Variants in DOCK3 observed in about 807,000 individuals in gnomAD.
DOCK3 encodes dedicator of cytokinesis protein 3.
Under a neutral mutation model 265.6 loss-of-function variants are expected in DOCK3, and 60 were observed. That is an observed-to-expected ratio of 0.23 (90% CI 0.18 to 0.28). The LOEUF (loss-of-function observed/expected upper bound fraction) is 0.28. Among genes scored for constraint, DOCK3 ranks in the 10% least tolerant of loss-of-function variants. The probability of loss-of-function intolerance (pLI) is 1.00; values close to 1 mark genes in which losing one functional copy is unlikely to be tolerated. For missense variants in DOCK3, 1,981 were observed against 2,594.3 expected, an observed-to-expected ratio of 0.76 and a Z score of 5.14; for synonymous variants, 881 against 938.0, an observed-to-expected ratio of 0.94 and a Z score of 1.11.
chr3:51,140,408 T>TCAA (rs1269031844), intron 9 of DOCK3, among the ~76,000 whole-genome samples: 1 of 152,362 alleles, frequency 6.6e-6, no homozygotes, highest in East Asian at 1.9e-4. Context: ...TCAAGGTTCA[T>TCAA]CAACATTTTA....
At chr3:50,902,176 C>T (rs2049237339) in intron 4 of DOCK3, among the ~76,000 whole-genome samples, 2 of 152,134 alleles carry the variant, frequency 1.3e-5, no homozygotes, top group African/African-American at 4.8e-5. Flanking sequence ...TGTGCTGAAG[C>T]TCTTTAGTTT....
intron 5 of DOCK3, among the ~76,000 whole-genome samples, chr3:51,062,832 T>A (rs1048057264): frequency 1.4e-4 from 22 of 152,352 alleles, no homozygotes; most frequent in African/African-American, 5.1e-4. Context: ...GAAACGTATG[T>A]GTTGGAAACA....
chr3:50,733,708 C>A (rs758784986), intron 1 of DOCK3, among the ~76,000 whole-genome samples: 1 of 152,072 alleles, frequency 6.6e-6, no homozygotes, highest in Non-Finnish European at 1.5e-5. Context: ...AGAATTTAAT[C>A]TATTTGCATT....
chr3:51,001,046 G>A (rs2078467122), intron 5 of DOCK3, among the ~76,000 whole-genome samples: 1 of 152,194 alleles, frequency 6.6e-6, no homozygotes, highest in Non-Finnish European at 1.5e-5. Flanking sequence ...TTATCTACCT[G>A]TTGGGAAACT....
At chr3:51,347,578 C>T (rs2085675676) in intron 38 of DOCK3, among the ~76,000 whole-genome samples, 1 of 152,160 alleles carries the variant, frequency 6.6e-6, no homozygotes, top group South Asian at 2.1e-4. Flanking sequence ...AGCGTGATGC[C>T]TCCAGCTTTG....
intron 9 of DOCK3, among the ~76,000 whole-genome samples, chr3:51,118,315 C>CT (rs2083842191): frequency 6.6e-6 from 1 of 152,164 alleles, no homozygotes; most frequent in Non-Finnish European, 1.5e-5. Flanking sequence ...GCACTGTAGA[C>CT]TGAGATACTG....
At chr3:51,223,655 C>G (rs1383252) in intron 14 of DOCK3, among the ~76,000 whole-genome samples, 138,815 of 152,188 alleles carry the variant, frequency 0.91, 63,450 homozygotes, top group African/African-American at 0.96. Context: ...AATTAAAAGA[C>G]TTTTATAAGA....
Position 50,874,283 on chromosome 3 carries a change from C to G in DOCK3, c.163-15743C>G, listed in dbSNP as rs1252172828. Among the ~76,000 whole-genome samples, 5 of 151,896 alleles carry G rather than the reference C, an allele frequency of 3.3e-5. No individual in the cohort carries two copies. In the East Asian group the frequency reaches 7.7e-4, roughly 23 times the overall value. On this transcript the variant is annotated intron_variant, in intron 3 of 52. Transcript: ENST00000266037. The stretch of plus-strand genomic sequence containing the variant: ...TTGGGAGGCTGAGGTGGGAGGGTCA[C>G]TAGAGCCCAGAAGTTCGAGACCAGC...
At chr3:50,869,936 G>A (rs968327753) in intron 3 of DOCK3, among the ~76,000 whole-genome samples, 1 of 152,076 alleles carries the variant, frequency 6.6e-6, no homozygotes, top group South Asian at 2.1e-4. Flanking sequence ...GTTTCAACAA[G>A]TCTTTTTGTT....
intron 27 of DOCK3, among the ~76,000 whole-genome samples, chr3:51,308,799 CGGGCGG>C (rs1560405199): frequency 1.4e-5 from 2 of 140,680 alleles, no homozygotes; most frequent in Non-Finnish European, 1.6e-5. Flanking sequence ...GGGCAGCTGC[CGGGCGG>C]AGGGGCTCCT....
intron 22 of DOCK3, among the ~76,000 whole-genome samples, chr3:51,259,909 C>G (rs2079761496): frequency 6.6e-6 from 1 of 152,148 alleles, no homozygotes; most frequent in Non-Finnish European, 1.5e-5. Context: ...AATTCCAGAA[C>G]CTCAGAAAAC....
chr3:51,222,679 G>C lies in DOCK3; in HGVS notation c.1253-2970G>C, dbSNP rs918525214. Among the ~76,000 whole-genome samples, 5 of 152,236 alleles carry C rather than the reference G, an allele frequency of 3.3e-5. No homozygotes were observed. The South Asian group carries it at 1.0e-3, about 32-fold the overall frequency. ...CCAAATAAAGAGCAGCTAAAGACCTGATGAAAATAAACTGCTTCAGTCTGT... is the reference window on the plus strand; with the variant it reads ...CCAAATAAAGAGCAGCTAAAGACCTCATGAAAATAAACTGCTTCAGTCTGT... On this transcript the variant is annotated intron_variant, in intron 14 of 52. Coordinates refer to ENST00000266037, the MANE Select transcript of DOCK3 (RefSeq NM_004947.5).
At chr3:51,378,403 G>A (rs1404215882) in intron 51 of DOCK3, among the ~76,000 whole-genome samples, 3 of 152,204 alleles carry the variant, frequency 2.0e-5, no homozygotes, top group African/African-American at 4.8e-5. Context: ...TCAAAGGACA[G>A]ACTCTAGCTC....
chr3:50,748,409 A>C lies in DOCK3; in HGVS notation c.38-30266A>C, dbSNP rs373305376. Among the ~76,000 whole-genome samples, 7 of 152,314 alleles carry C rather than the reference A, an allele frequency of 4.6e-5. No homozygotes were observed. In the South Asian group the frequency reaches 1.4e-3, roughly 32 times the overall value. On this transcript the variant is annotated intron_variant, in intron 1 of 52. Coordinates refer to ENST00000266037, the MANE Select transcript of DOCK3 (RefSeq NM_004947.5). ...ATATAAGTAAACACTGGGTGGGGAA[A>C]GACAAGAGACTGTGTAGGATACCAG...
Position 51,010,850 on chromosome 3 carries a change from A to T in DOCK3, c.316-53598A>T, listed in dbSNP as rs185689853. ...AATCTCTCAGCATTTTCTTGTCTGT[A>T]AAGGATTTTATTTCTCCTTCACTTA... On this transcript the variant is annotated intron_variant, in intron 5 of 52. Coordinates refer to ENST00000266037, the MANE Select transcript of DOCK3 (RefSeq NM_004947.5). 5.3e-5 allele frequency among the ~76,000 whole-genome samples: 8 copies of T among 152,252 alleles called. No individual in the cohort carries two copies. In the East Asian group the frequency reaches 1.4e-3, roughly 26 times the overall value.
intron 6 of DOCK3, among the ~76,000 whole-genome samples, chr3:51,067,684 A>G (rs1160073930): frequency 1.4e-5 from 2 of 148,118 alleles, no homozygotes; most frequent in Admixed American, 1.3e-4. Context: ...TGGAAAATAT[A>G]GTCACTTAAA....
intron 5 of DOCK3, among the ~76,000 whole-genome samples, chr3:51,000,170 G>A (rs555134098): frequency 1.6e-4 from 25 of 152,284 alleles, no homozygotes; most frequent in African/African-American, 5.1e-4. Flanking sequence ...GACCTTGAAT[G>A]GCCTGTTACA....
intron 3 of DOCK3, among the ~76,000 whole-genome samples, chr3:50,883,767 C>T (rs1057410474): frequency 6.6e-5 from 10 of 152,004 alleles, no homozygotes; most frequent in South Asian, 2.1e-4. Flanking sequence ...ATACACATAA[C>T]GTTTACCATG....
intron 9 of DOCK3, among the ~76,000 whole-genome samples, chr3:51,117,598 G>T (rs2083796875): frequency 6.6e-6 from 1 of 151,494 alleles, no homozygotes; most frequent in Admixed American, 6.6e-5. Flanking sequence ...TGATCCTCGG[G>T]TTTTTTTGGT....
Sources: gnomAD v4.1 joint callset for allele counts (sites outside exome capture counted in the v4.1 genomes callset) on GRCh38, gnomAD v4.1.1 for gene constraint, MANE v1.5 for transcripts, NCBI Gene and HGNC (gene_info 2026-07-23, HGNC 2026-07-21) for gene names.